Variants in MGAT4A observed in about 807,000 individuals in gnomAD.
MGAT4A encodes N-acetylglucosaminyltransferase IVa.
MGAT4A carries 33 observed loss-of-function variants against 74.1 expected under a neutral mutation model. That is an observed-to-expected ratio of 0.45 (90% CI 0.34 to 0.60). The LOEUF is 0.60. MGAT4A is among the 20% of genes least tolerant of loss of function. The pLI is 0.02. For missense variants in MGAT4A, 479 were observed against 628.3 expected (o/e 0.76, Z 2.54); for synonymous variants, 198 against 210.4 (o/e 0.94, Z 0.51).
intron 2 of MGAT4A, among the ~76,000 whole-genome samples, chr2:98,713,739 T>C (rs1702550713): frequency 6.6e-6 from 1 of 152,186 alleles, no homozygotes; most frequent in Non-Finnish European, 1.5e-5. Context: ...CAGCATACCT[T>C]TTTTACTGTT....
In MGAT4A at chr2:98,731,121, G is replaced by C. The variant is rs1175643181; in HGVS notation, c.-309C>G. On this transcript the variant is annotated 5_prime_UTR_variant, in exon 1 of 16. Coordinates refer to ENST00000393487, the MANE Select transcript of MGAT4A (RefSeq NM_012214.3). This position sits in a 1 kb window ranked among gnomAD's most constrained non-coding sequence, Gnocchi z 4.8. The stretch of plus-strand genomic sequence containing the variant: ...AGCCGCCGCCGCCGCTGCCGCCGCC[G>C]CTGCGGGCCGCCCCGCCCGCCCCGC... 8.6e-6 allele frequency: 1 copy of C among 116,068 alleles called. No individual in the cohort carries two copies. The highest frequency in any genetic ancestry group is 1.7e-5 in the Non-Finnish European group (1 of 57,914). The allele number at this position is 116,068 out of a possible 1,614,324, so 7.2% of individuals were successfully genotyped here. A position where few individuals can be genotyped will look rare whatever the true frequency, so the allele number is the denominator to read the frequency against.
chr2:98,658,340 AAATG>A (rs1410936208), intron 5 of MGAT4A, 76 bp from the exon 6 acceptor site: 46 of 775,274 alleles, frequency 5.9e-5, no homozygotes, highest in South Asian at 1.3e-4. Flanking sequence ...ACTCGAAATT[AAATG>A]AATGATAAAA....
At chr2:98,704,482 T>C (rs1702395732) in intron 2 of MGAT4A, among the ~76,000 whole-genome samples, 1 of 152,090 alleles carries the variant, frequency 6.6e-6, no homozygotes, top group Admixed American at 6.5e-5. Flanking sequence ...GGTGGCATGC[T>C]CTGTGGTCCC....
intron 3 of MGAT4A, among the ~76,000 whole-genome samples, chr2:98,677,350 T>C (rs1701988822): frequency 6.6e-6 from 1 of 152,228 alleles, no homozygotes; most frequent in African/African-American, 2.4e-5. Flanking sequence ...GAAACACATA[T>C]ACACGAAAAA....
intron 6 of MGAT4A, among the ~76,000 whole-genome samples, chr2:98,657,691 C>T (rs758510184): frequency 7.2e-5 from 11 of 152,020 alleles, no homozygotes; most frequent in Non-Finnish European, 1.3e-4. Context: ...AATTTTATTA[C>T]GCTATTGAAA....
chr2:98,622,703 G>A lies in MGAT4A; in HGVS notation c.*2863C>T. On this transcript the variant is annotated 3_prime_UTR_variant, in exon 16 of 16. Coordinates refer to ENST00000393487, the MANE Select transcript of MGAT4A (RefSeq NM_012214.3). ...TGAGAGGCCCTGAGCACCCACCATAGGAGAGGACAGATGAGCAGTATGAGC... is the reference window on the plus strand; with the variant it reads ...TGAGAGGCCCTGAGCACCCACCATAAGAGAGGACAGATGAGCAGTATGAGC... 2.0e-6 allele frequency: 2 copies of A among 985,754 alleles called. No individual in the cohort carries two copies. Among genetic ancestry groups the A allele is most frequent in the East Asian group, 1.1e-4 (1 of 8,820 alleles). 61.1% of individuals were successfully genotyped at this position (985,754 alleles called of 1,614,324 possible).
intron 2 of MGAT4A, among the ~76,000 whole-genome samples, chr2:98,711,483 G>T (rs1240053530): frequency 1.3e-5 from 2 of 151,896 alleles, no homozygotes; most frequent in East Asian, 3.8e-4. Context: ...ATTAACTTTA[G>T]GAAGGTTTAG....
intron 2 of MGAT4A, among the ~76,000 whole-genome samples, chr2:98,690,884 T>C (rs1702185734): frequency 1.3e-5 from 2 of 152,104 alleles, no homozygotes; most frequent in African/African-American, 2.4e-5. Context: ...CAAGAGCAGA[T>C]GGAGAGAATC....
intron 2 of MGAT4A, among the ~76,000 whole-genome samples, chr2:98,688,196 CT>C (rs1288149066): frequency 2.0e-5 from 3 of 152,032 alleles, no homozygotes; most frequent in Admixed American, 2.0e-4. Flanking sequence ...GGCTTTTAGT[CT>C]TTCTTAGAAA....
intron 8 of MGAT4A, among the ~76,000 whole-genome samples, chr2:98,655,132 A>G (rs1440759376): frequency 6.6e-6 from 1 of 152,200 alleles, no homozygotes; most frequent in East Asian, 1.9e-4. Context: ...CTGCCAAATA[A>G]TGACATCTTA....
At chr2:98,730,390 C>T (rs1302548014) in intron 1 of MGAT4A, 1 of 152,230 alleles carries the variant, frequency 6.6e-6, no homozygotes, top group African/African-American at 2.4e-5. Context: ...GCAGCTTCCT[C>T]ATTACGGAGA....
Position 98,624,613 on chromosome 2 carries a change from C to G in MGAT4A, c.*953G>C. The stretch of plus-strand genomic sequence containing the variant: ...TTTGTCTGACGTCATAAAATGAGTG[C>G]AGATATAAAAGAATCAACAGCAGAT... On this transcript the variant is annotated 3_prime_UTR_variant, in exon 16 of 16. Coordinates refer to ENST00000393487, the MANE Select transcript of MGAT4A (RefSeq NM_012214.3). The G allele has an allele frequency of 1.0e-6, 1 of 984,824 alleles. No homozygotes were observed. The highest frequency in any genetic ancestry group is 1.2e-6 in the Non-Finnish European group (1 of 829,518). The allele number at this position is 984,824 out of a possible 1,614,324, so 61.0% of individuals were successfully genotyped here.
chr2:98,685,801 G>T (rs1028978477), intron 2 of MGAT4A, among the ~76,000 whole-genome samples: 8 of 152,190 alleles, frequency 5.3e-5, no homozygotes, highest in African/African-American at 9.7e-5. Flanking sequence ...CTGATTCCAT[G>T]GTCTGAGGTG....
chr2:98,628,038 A>G (rs1559153572), intron 14 of MGAT4A, among the ~76,000 whole-genome samples: 1 of 152,206 alleles, frequency 6.6e-6, no homozygotes, highest in African/African-American at 2.4e-5. Flanking sequence ...AATGCAACTA[A>G]GCCATCTTCT....
chr2:98,726,714 C>T, intron 1 of MGAT4A, 147 bp from the exon 2 acceptor site: 1 of 196,106 alleles, frequency 5.1e-6, no homozygotes, highest in Non-Finnish European at 1.0e-5. Context: ...ACTCATTTAA[C>T]ATACTGGAAT....
rs553288278 is a variant in MGAT4A, at chr2:98,623,936, G to A, written c.*1630C>T. 2.6e-4 allele frequency: 257 copies of A among 985,372 alleles called. No individual in the cohort carries two copies. Among genetic ancestry groups the A allele is most frequent in the Non-Finnish European group, 3.0e-4 (253 of 829,958 alleles). 61.0% of individuals were successfully genotyped at this position (985,372 alleles called of 1,614,324 possible). ...AGCTCAGCAGAATCCATCTCTGCCC[G>A]TCTGCAACCAACCTGCAACCCACTT... On this transcript the variant is annotated 3_prime_UTR_variant, in exon 16 of 16. Coordinates refer to ENST00000393487, the MANE Select transcript of MGAT4A (RefSeq NM_012214.3).
chr2:98,673,441 C>A (rs1351103933), intron 4 of MGAT4A, among the ~76,000 whole-genome samples: 2 of 152,094 alleles, frequency 1.3e-5, no homozygotes, highest in African/African-American at 4.8e-5. Flanking sequence ...CCAAAAGGTC[C>A]TGTAACTAAA....
At chr2:98,688,074 C>T (rs1351807800) in intron 2 of MGAT4A, among the ~76,000 whole-genome samples, 1 of 152,150 alleles carries the variant, frequency 6.6e-6, no homozygotes, top group East Asian at 1.9e-4. Flanking sequence ...TTTATCTTCC[C>T]ATCCCATCTG....
chr2:98,663,023 C>T (rs1701773400), intron 5 of MGAT4A, 23 bp downstream of exon 5: 6 of 1,449,672 alleles, frequency 4.1e-6, no homozygotes, highest in Non-Finnish European at 5.5e-6. Flanking sequence ...TTGGTAAAAA[C>T]ATAACAACAA....
Sources: gnomAD v4.1 joint callset for allele counts (sites outside exome capture counted in the v4.1 genomes callset) on GRCh38, gnomAD v4.1.1 for gene constraint, Gnocchi (gnomAD v3.1) non-coding constraint, MANE v1.5 for transcripts, NCBI Gene and HGNC (gene_info 2026-07-23, HGNC 2026-07-21) for gene names.